LPIN3: variants seen among roughly 807,000 people sequenced by gnomAD.
LPIN3 encodes the protein lipin 3.
LPIN3 carries 82 observed loss-of-function variants against 94.7 expected under a neutral mutation model. That is an observed-to-expected ratio of 0.87 (90% CI 0.72 to 1.04). The LOEUF (loss-of-function observed/expected upper bound fraction) is 1.04. Among genes scored for constraint, LPIN3 ranks in the 50% least tolerant of loss-of-function variants. The probability of loss-of-function intolerance (pLI) is 0.00; values close to 1 mark genes in which losing one functional copy is unlikely to be tolerated. For missense variants in LPIN3, 996 were observed against 1,090.5 expected, an observed-to-expected ratio of 0.91 and a Z score of 1.22; for synonymous variants, 418 against 443.3, an observed-to-expected ratio of 0.94 and a Z score of 0.72.
chr20:41,358,898 C>G lies in LPIN3; in HGVS notation c.*32C>G. 6.2e-7 allele frequency: 1 copy of G among 1,611,456 alleles called. No individual in the cohort carries two copies. The highest frequency in any genetic ancestry group is 8.5e-7 in the Non-Finnish European group (1 of 1,178,770). On this transcript the variant is annotated 3_prime_UTR_variant, in exon 20 of 20. Transcript: ENST00000373257. ...CCTGGCTGGCTCCTCCTCCCTGGCCCGGCCCAGGACTGGCTAGGTGTCCTG... is the reference window on the plus strand; with the variant it reads ...CCTGGCTGGCTCCTCCTCCCTGGCCGGGCCCAGGACTGGCTAGGTGTCCTG...
Position 41,358,256 on chromosome 20 carries a change from C to T in LPIN3, c.2212C>T (p.Pro738Ser). Reference sequence around the variant, plus strand: ...CCCCAGAGAGGTGATCGAGAAGAAACCAGAGGTGTTCAAGGTCGCCTGCCT... The same window carrying T: ...CCCCAGAGAGGTGATCGAGAAGAAATCAGAGGTGTTCAAGGTCGCCTGCCT... ...ALHREVIEKK[P>S]EVFKVACLSD... The change falls in exon 18 of 20, where the codon CCA becomes TCA. Residue 738 changes from proline to serine, a missense_variant. Transcript: ENST00000373257. 2 of 1,614,042 alleles carry T rather than the reference C, an allele frequency of 1.2e-6. No homozygotes were observed. The highest frequency in any genetic ancestry group is 1.7e-6 in the Non-Finnish European group (2 of 1,180,024).
At position 41,354,951 on chromosome 20, in the gene LPIN3, C is replaced by G. The variant is rs569868328; in HGVS notation, c.1664+88C>G. Reference sequence around the variant, plus strand: ...GGTGGGTGGCAGGGAGGAGCCAGCACCCTGTCTCCAGCTGTGGGTTTTTTT... The same window carrying G: ...GGTGGGTGGCAGGGAGGAGCCAGCAGCCTGTCTCCAGCTGTGGGTTTTTTT... On this transcript the variant is annotated intron_variant, in intron 13 of 19. Transcript: ENST00000373257. 1.2e-5 allele frequency: 15 copies of G among 1,298,758 alleles called. No individual in the cohort carries two copies. In the African/African-American group the frequency reaches 2.1e-4, roughly 18 times the overall value. The allele number at this position is 1,298,758 out of a possible 1,614,324, so 80.5% of individuals were successfully genotyped here. A position where few individuals can be genotyped will look rare whatever the true frequency, so the allele number is the denominator to read the frequency against.
intron 1 of LPIN3, among the ~76,000 whole-genome samples, chr20:41,344,942 G>A (rs1314070174): frequency 1.3e-5 from 2 of 152,194 alleles, no homozygotes; most frequent in Admixed American, 6.5e-5. Context: ...TGTAGTTTGG[G>A]GCCTTAAGCC....
rs746502781 is a variant in LPIN3, at chr20:41,347,675, C to T, written c.288+28C>T. The T allele has an allele frequency of 2.6e-6, 4 of 1,568,296 alleles. No individual in the cohort carries two copies. The African/African-American group carries it at 4.1e-5, about 16-fold the overall frequency. ...GAGTCTGCCCTCCTAACAGCACCTGCCCCGCCCACCCCTTTCCTGTGCCTC... is the reference window on the plus strand; with the variant it reads ...GAGTCTGCCCTCCTAACAGCACCTGTCCCGCCCACCCCTTTCCTGTGCCTC... On this transcript the variant is annotated intron_variant, in intron 3 of 19. Transcript: ENST00000373257.
chr20:41,355,432 T>C (rs1191181855), intron 13 of LPIN3, among the ~76,000 whole-genome samples: 1 of 152,176 alleles, frequency 6.6e-6, no homozygotes, highest in Non-Finnish European at 1.5e-5. Context: ...GTCCTCAGGC[T>C]CCTGCCCCAG....
rs376341771 is a variant in LPIN3 at position 41,357,912 on chromosome 20, G to A, written c.2070G>A (p.Ala690=). ...GGTACAAGTTCCTGTACTGCTCGGC[G>A]CGGGCCATTGGCATGGCGGACCTCA... ...LNGYKFLYCS[A]RAIGMADLTK... is the part of the protein sequence containing the mutation. Residue 690 remains alanine, a synonymous_variant, in exon 17 of 20, where the codon GCG becomes GCA. Transcript: ENST00000373257. 2.1e-5 allele frequency: 34 copies of A among 1,614,010 alleles called. No homozygotes were observed. The highest frequency in any genetic ancestry group is 1.6e-4 in the Middle Eastern group (1 of 6,082).
chr20:41,348,226 A>G (rs1401254190), intron 3 of LPIN3, among the ~76,000 whole-genome samples: 3 of 152,202 alleles, frequency 2.0e-5, no homozygotes, highest in Non-Finnish European at 2.9e-5. Flanking sequence ...GGAGCTAGAC[A>G]CATAAACAAT....
chr20:41,358,946 G>C lies in LPIN3; in HGVS notation c.*80G>C, dbSNP rs1243467438. The C allele has an allele frequency of 6.5e-7, 1 of 1,545,676 alleles. No individual in the cohort carries two copies. The highest frequency in any genetic ancestry group is 1.9e-5 in the Admixed American group (1 of 53,420). Reference sequence around the variant, plus strand: ...CTGGGGTATAGGAGGGTGGGAATTGGAGTGTCATGGGGCAAACCCACTGAA... The same window carrying C: ...CTGGGGTATAGGAGGGTGGGAATTGCAGTGTCATGGGGCAAACCCACTGAA... On this transcript the variant is annotated 3_prime_UTR_variant, in exon 20 of 20. Transcript: ENST00000373257.
chr20:41,357,315 G>GGCCACGTGGAGCTGC (rs768682273), intron 15 of LPIN3, 46 bp from the exon 16 acceptor site: 3 of 1,605,922 alleles, frequency 1.9e-6, no homozygotes, highest in Middle Eastern at 1.7e-4. Context: ...GCTGGAGCTG[G>GGCCACGTGGAGCTGC]GCCACGTGGA....
intron 2 of LPIN3, 151 bp downstream of exon 2, chr20:41,346,146 G>T: frequency 1.1e-6 from 1 of 875,872 alleles, no homozygotes; most frequent in Non-Finnish European, 1.7e-6. Context: ...TTCTTTGAAG[G>T]TTTTTGGGTT....
Position 41,354,718 on chromosome 20 carries a change from G to A in LPIN3, c.1601G>A (p.Arg534Lys), listed in dbSNP as rs775742659. The change falls in exon 12 of 20, where the codon AGG becomes AAG. Residue 534 changes from arginine to lysine, a missense_variant. Transcript: ENST00000373257. ...CGATGGTGGTTTTCCTGGCGACGCA[G>A]GGACTTCCTGGCCGAGGAGGTGGGT... Reference protein sequence around the residue: ...GGRWWFSWRRRDFLAEERSAQ... With the variant: ...GGRWWFSWRRKDFLAEERSAQ... 3 of 1,607,928 alleles carry A rather than the reference G, an allele frequency of 1.9e-6. No individual in the cohort carries two copies. Among genetic ancestry groups the A allele is most frequent in the East Asian group, 2.2e-5 (1 of 44,742 alleles).
chr20:41,351,236 G>A (rs997516802), intron 7 of LPIN3, among the ~76,000 whole-genome samples: 1 of 151,184 alleles, frequency 6.6e-6, no homozygotes, highest in Non-Finnish European at 1.5e-5. Context: ...ACTCCAGCCT[G>A]GGTGACAGAT....
chr20:41,345,765 C>T (rs751339149), intron 1 of LPIN3, 31 bp from the exon 2 acceptor site: 58 of 1,585,210 alleles, frequency 3.7e-5, no homozygotes, highest in South Asian at 5.8e-5. Context: ...TGGAGCAGAC[C>T]TTTGTGCAAG....
chr20:41,358,524 T>C lies in LPIN3; in HGVS notation c.2393T>C (p.Ile798Thr). The C allele has an allele frequency of 6.2e-7, 1 of 1,614,050 alleles. No homozygotes were observed. The highest frequency in any genetic ancestry group is 8.5e-7 in the Non-Finnish European group (1 of 1,180,002). Residue 798 changes from isoleucine (I) to threonine (T), a missense_variant, in exon 19 of 20, where the codon ATA (isoleucine) becomes ACA (threonine). By Grantham distance (89) the Ile-to-Thr change is moderately conservative (BLOSUM62 -1). Transcript: ENST00000373257. Reference sequence around the variant, plus strand: ...CGGGGAGAGCTCATCCAGGAGCTCATAAAGAACCACAAATCCACGTGAGGC... The same window carrying C: ...CGGGGAGAGCTCATCCAGGAGCTCACAAAGAACCACAAATCCACGTGAGGC... ...NPRGELIQEL[I>T]KNHKSTYERL...
At chr20:41,341,973 T>TAATAAATAAATAAAGA (rs1291721531) in intron 1 of LPIN3, among the ~76,000 whole-genome samples, 1 of 152,002 alleles carries the variant, frequency 6.6e-6, no homozygotes, top group East Asian at 1.9e-4. Flanking sequence ...CAAGACTCCA[T>TAATAAATAAATAAAGA]CTCAAAAAAA....
At position 41,348,667 on chromosome 20, in the gene LPIN3, CT is replaced by C; in HGVS notation, c.338del (p.Leu113ArgfsTer68). 6.2e-7 allele frequency: 1 copy of C among 1,613,800 alleles called. No homozygotes were observed. The highest frequency in any genetic ancestry group is 1.3e-5 in the African/African-American group (1 of 75,042). On this transcript the variant is annotated frameshift_variant, in exon 4 of 20. Coordinates refer to ENST00000373257, the MANE Select transcript of LPIN3 (RefSeq NM_022896.3). LOFTEE classifies it high-confidence loss of function. ...CACCTCACCCATCCCTTGGGGGGGT[CT>C]GTCTGGCTTCCCCTCGGACTCCCAG... ...LCTSPIPWGG[L>X]SGFPSDSQLG...
At chr20:41,343,713 G>C (rs958138350) in intron 1 of LPIN3, among the ~76,000 whole-genome samples, 12 of 152,218 alleles carry the variant, frequency 7.9e-5, no homozygotes, top group African/African-American at 2.9e-4. Context: ...CACAAAAGCA[G>C]TTCCTTTCAA....
At position 41,348,868 on chromosome 20, in the gene LPIN3, C is replaced by T. The variant is rs770253392; in HGVS notation, c.538C>T (p.Leu180=). 6.2e-7 allele frequency: 1 copy of T among 1,606,112 alleles called. No homozygotes were observed. Among genetic ancestry groups the T allele is most frequent in the Non-Finnish European group, 8.5e-7 (1 of 1,176,148 alleles). ...AESELSLPEK[L]RPEPPGVQLE... ...GAGTGAGCTATCCCTGCCGGAAAAG[C>T]TGAGGCCAGAGCCCCCAGGGTGTGT... The change falls in exon 4 of 20, where the codon CTG becomes TTG. Residue 180 remains leucine (L), a synonymous_variant. Transcript: ENST00000373257.
At position 41,354,671 on chromosome 20, in the gene LPIN3, G is replaced by A. The variant is rs774860528; in HGVS notation, c.1554G>A (p.Glu518=). 5.6e-6 allele frequency: 9 copies of A among 1,597,864 alleles called. No individual in the cohort carries two copies. The East Asian group carries it at 2.0e-4, about 36-fold the overall frequency. ...PKSTMDKLER[E]KMPRKGGRWW... ...GCACCATGGACAAGCTGGAGAGGGA[G>A]AAGATGCCCCGGAAGGGTGGGCGAT... Residue 518 remains glutamate (E), a synonymous_variant, in exon 12 of 20, where the codon GAG becomes GAA. Transcript: ENST00000373257.
Sources: gnomAD v4.1 joint callset for allele counts (sites outside exome capture counted in the v4.1 genomes callset) on GRCh38, gnomAD v4.1.1 for gene constraint, MANE v1.5 for transcripts, NCBI Gene and HGNC (gene_info 2026-07-23, HGNC 2026-07-21) for gene names.